The following MARCHF1 variants were observed in gnomAD, a reference collection of about 807,000 sequenced individuals.
MARCHF1 encodes membrane associated ring-CH-type finger 1.
In MARCHF1, 40 loss-of-function variants were observed where a neutral mutation model predicts 54.2. The ratio of observed to expected loss-of-function variants is 0.74; its 90% confidence interval spans 0.57 to 0.96. The LOEUF (loss-of-function observed/expected upper bound fraction) is 0.96. MARCHF1 is among the 40% of genes least tolerant of loss of function. MARCHF1 has a pLI of 0.00. For synonymous variants in MARCHF1, 236 were observed against 236.3 expected (o/e 1.00, Z 0.01); for missense variants, 586 against 656.5 (o/e 0.89, Z 1.17).
intron 1 of MARCHF1, among the ~76,000 whole-genome samples, chr4:164,145,530 A>G (rs1387945590): frequency 6.6e-6 from 1 of 152,112 alleles, no homozygotes; most frequent in Non-Finnish European, 1.5e-5. Flanking sequence ...ACACAAATCA[A>G]TAAATGTAAT....
At chr4:164,107,114 C>A (rs1381049094) in intron 2 of MARCHF1, among the ~76,000 whole-genome samples, 1 of 152,076 alleles carries the variant, frequency 6.6e-6, no homozygotes, top group Non-Finnish European at 1.5e-5. Context: ...AAATACAAAG[C>A]TATGTGCTAA....
chr4:163,787,732 T>C (rs1011552376), intron 4 of MARCHF1, among the ~76,000 whole-genome samples: 6 of 151,830 alleles, frequency 4.0e-5, no homozygotes, highest in Non-Finnish European at 8.8e-5. Context: ...CAGGTATACA[T>C]CCAAAATAAT....
chr4:164,273,423 G>A (rs534697699), intron 1 of MARCHF1, among the ~76,000 whole-genome samples: 2 of 152,196 alleles, frequency 1.3e-5, no homozygotes, highest in South Asian at 4.1e-4. Flanking sequence ...GGGCTATGGG[G>A]ATTACAATTC....
intron 1 of MARCHF1, among the ~76,000 whole-genome samples, chr4:164,226,681 T>C (rs1452171112): frequency 6.6e-6 from 1 of 151,512 alleles, no homozygotes; most frequent in Non-Finnish European, 1.5e-5. Context: ...ATATATAAAA[T>C]ATATATAAAA....
intron 1 of MARCHF1, among the ~76,000 whole-genome samples, chr4:164,276,049 G>C (rs912796475): frequency 5.3e-5 from 8 of 152,032 alleles, no homozygotes; most frequent in Non-Finnish European, 8.8e-5. Flanking sequence ...AACAATCTAA[G>C]TACTATTTCA....
intron 1 of MARCHF1, among the ~76,000 whole-genome samples, chr4:164,307,883 T>G (rs1055641820): frequency 1.3e-5 from 2 of 152,198 alleles, no homozygotes; most frequent in Non-Finnish European, 2.9e-5. Context: ...TCCAGAAGAA[T>G]AATGAGCTTA....
Position 163,528,763 on chromosome 4 carries a change from T to G in MARCHF1, c.1623A>C (p.Glu541Asp). 1.2e-6 allele frequency: 2 copies of G among 1,611,012 alleles called. No individual in the cohort carries two copies. Among genetic ancestry groups the G allele is most frequent in the South Asian group, 2.2e-5 (2 of 90,742 alleles). Residue 541 changes from glutamate to aspartate, a missense_variant, in exon 10 of 10, where the codon GAA (glutamate) becomes GAC (aspartate). Glu to Asp is a conservative substitution (Grantham distance 45, BLOSUM62 2). Around this residue, in one of 3 missense-constraint regions of MARCHF1, gnomAD observed 106 missense variants for 93.8 expected, o/e 1.13. Coordinates refer to ENST00000514618, the MANE Select transcript of MARCHF1 (RefSeq NM_001394959.1). ...SLPSAEGGPPEVVSV is the reference protein window; with the variant it reads ...SLPSAEGGPPDVVSV ...ACAGGTTCCATCAGACTGATACAACTTCAGGGGGGCCACCCTCTGCAGATG... is the reference window on the plus strand; with the variant it reads ...ACAGGTTCCATCAGACTGATACAACGTCAGGGGGGCCACCCTCTGCAGATG...
intron 8 of MARCHF1, among the ~76,000 whole-genome samples, chr4:163,559,584 A>G (rs1297333494): frequency 6.6e-6 from 1 of 152,242 alleles, no homozygotes; most frequent in Admixed American, 6.5e-5. Context: ...AACATAGTTT[A>G]AATGACAGGA....
intron 3 of MARCHF1, among the ~76,000 whole-genome samples, chr4:163,946,047 A>T: frequency 6.6e-6 from 1 of 152,166 alleles, no homozygotes; most frequent in East Asian, 1.9e-4. Flanking sequence ...TTGATGTTAT[A>T]TCATTTATAG....
chr4:163,783,946 T>C (rs550870601), intron 4 of MARCHF1, among the ~76,000 whole-genome samples: 26 of 152,304 alleles, frequency 1.7e-4, no homozygotes, highest in African/African-American at 6.3e-4. Flanking sequence ...TCAAATATTT[T>C]ACCCTGGAAA....
chr4:163,667,469 A>G (rs2111118171), intron 5 of MARCHF1, among the ~76,000 whole-genome samples: 1 of 152,284 alleles, frequency 6.6e-6, no homozygotes, highest in South Asian at 2.1e-4. Context: ...AAAACCTTTT[A>G]TTGACATCAA....
intron 3 of MARCHF1, among the ~76,000 whole-genome samples, chr4:163,861,351 C>T (rs1259213939): frequency 6.6e-6 from 1 of 151,870 alleles, no homozygotes. Context: ...AACCAGAATA[C>T]CAGAAGAAGA....
chr4:164,043,873 C>A (rs897660593), intron 2 of MARCHF1, among the ~76,000 whole-genome samples: 2 of 152,192 alleles, frequency 1.3e-5, no homozygotes, highest in African/African-American at 4.8e-5. Flanking sequence ...CCACCAGATG[C>A]CCTAAATCAT....
At chr4:164,235,004 T>G (rs773801591) in intron 1 of MARCHF1, 1 of 152,130 alleles carries the variant, frequency 6.6e-6, no homozygotes, top group African/African-American at 2.4e-5. Context: ...TTTGTCACCC[T>G]TTTTATGTTT....
At chr4:164,332,786 A>G (rs926386032) in intron 1 of MARCHF1, among the ~76,000 whole-genome samples, 4 of 152,148 alleles carry the variant, frequency 2.6e-5, no homozygotes, top group Non-Finnish European at 4.4e-5. Flanking sequence ...TTGTGGGTGA[A>G]AAGTTCTGCA....
intron 3 of MARCHF1, among the ~76,000 whole-genome samples, chr4:163,859,121 A>T (rs1186602959): frequency 6.6e-6 from 1 of 152,182 alleles, no homozygotes; most frequent in Non-Finnish European, 1.5e-5. Context: ...ATGACTTGTA[A>T]TGAAGGCTTA....
intron 1 of MARCHF1, among the ~76,000 whole-genome samples, chr4:164,238,946 C>T (rs575284537): frequency 3.5e-4 from 53 of 151,854 alleles, no homozygotes; most frequent in Non-Finnish European, 6.8e-4. Flanking sequence ...ATAAGGAAAC[C>T]TGATATTCTG....
chr4:163,638,737 G>T (rs774176681), intron 5 of MARCHF1, among the ~76,000 whole-genome samples: 5 of 151,992 alleles, frequency 3.3e-5, no homozygotes, highest in African/African-American at 1.2e-4. Context: ...AATGTCATTC[G>T]CAATAGCCAA....
In MARCHF1 at chr4:163,832,585, T is replaced by C. The variant is rs568423710; in HGVS notation, c.111+21436A>G. Among the ~76,000 whole-genome samples, 7 of 149,602 alleles carry C rather than the reference T, an allele frequency of 4.7e-5. No homozygotes were observed. In the East Asian group the frequency reaches 1.4e-3, roughly 29 times the overall value. On this transcript the variant is annotated intron_variant, in intron 4 of 9. Transcript: ENST00000514618. ...CTAGCTCAAAGTTGGATCCAAAATA[T>C]TATTATTATTATTATTATAATACTT...
Sources: gnomAD v4.1 joint callset for allele counts (sites outside exome capture counted in the v4.1 genomes callset) on GRCh38, gnomAD v4.1.1 for gene constraint, gnomAD v4.1.1 regional missense constraint, MANE v1.5 for transcripts, NCBI Gene and HGNC (gene_info 2026-07-23, HGNC 2026-07-21) for gene names.